CDH26: variants seen among roughly 807,000 people sequenced by gnomAD.
CDH26 encodes cadherin-like protein 26.
A neutral mutation model predicts 90.3 loss-of-function variants in CDH26; 83 were observed. The ratio of observed to expected loss-of-function variants is 0.92; its 90% CI spans 0.77 to 1.10. The LOEUF is 1.10. Among genes scored for constraint, CDH26 ranks in the 50% least tolerant of loss-of-function variants. The pLI is 0.00. For missense variants in CDH26, 1,013 were observed against 1,037.6 expected, an observed-to-expected ratio of 0.98 and a Z score of 0.33; for synonymous variants, 397 against 396.3, an observed-to-expected ratio of 1.00 and a Z score of -0.02.
chr20:60,024,553 C>G (rs1166556233), intron 7 of CDH26, among the ~76,000 whole-genome samples: 1 of 152,210 alleles, frequency 6.6e-6, no homozygotes, highest in Non-Finnish European at 1.5e-5. Flanking sequence ...AATCCTCATT[C>G]ATATCTCAGA....
Position 59,970,197 on chromosome 20 carries a change from T to C in CDH26, c.231+11T>C. The C allele has an allele frequency of 1.2e-6, 2 of 1,612,608 alleles. No homozygotes were observed. Among genetic ancestry groups the C allele is most frequent in the Non-Finnish European group, 1.7e-6 (2 of 1,179,340 alleles). ...AAACTCATTGGTGAGGTAAGGTGCC[T>C]ACTCTTAAGGAATGACCCCATCATG... is the stretch of plus-strand genomic sequence containing the variant. On this transcript the variant is annotated intron_variant, in intron 3 of 17. Transcript: ENST00000348616.
At chr20:60,015,851 C>T (rs2061901044), downstream of CDH26, among the ~76,000 whole-genome samples, 1 of 152,176 alleles carries the variant, frequency 6.6e-6, no homozygotes, top group East Asian at 1.9e-4. Context: ...TAGATACCTA[C>T]TTTCCCCAGC....
chr20:59,992,839 A>T lies in CDH26; in HGVS notation c.1426+319A>T, dbSNP rs1039246372. On this transcript the variant is annotated intron_variant, in intron 10 of 17. Transcript: ENST00000348616. The surrounding 1 kb of genome is among the most constrained non-coding windows in gnomAD (Gnocchi z 5.0). ...TTGTCAAAGCCAATGATGTGTGATA[A>T]ATATTTAGCACAGCTTCCCTGTGCT... 7.2e-5 allele frequency among the ~76,000 whole-genome samples: 11 copies of T among 152,124 alleles called. No homozygotes were observed. The highest frequency in any genetic ancestry group is 2.4e-4 in the African/African-American group (10 of 41,430).
downstream of CDH26, among the ~76,000 whole-genome samples, chr20:60,016,533 A>G (rs558355957): frequency 2.6e-5 from 4 of 152,232 alleles, no homozygotes; most frequent in South Asian, 6.2e-4. Context: ...AGGTTTTTCT[A>G]TATATGAGAT....
intron 9 of CDH26, among the ~76,000 whole-genome samples, chr20:59,990,228 T>C (rs2061512057): frequency 6.6e-6 from 1 of 152,264 alleles, no homozygotes; most frequent in South Asian, 2.1e-4. Flanking sequence ...TATGTGGTAT[T>C]GACACATTTT....
At chr20:59,980,702 C>T (rs2061385337) in intron 4 of CDH26, among the ~76,000 whole-genome samples, 1 of 152,156 alleles carries the variant, frequency 6.6e-6, no homozygotes, top group Non-Finnish European at 1.5e-5. Context: ...TTTGTCTTCT[C>T]ATTCTTACCT....
downstream of CDH26, among the ~76,000 whole-genome samples, chr20:60,017,188 A>G (rs1010873285): frequency 2.4e-4 from 36 of 152,140 alleles, no homozygotes; most frequent in African/African-American, 8.4e-4. Context: ...AAAAGTTGGT[A>G]TTAATACTTC....
In CDH26 at chr20:59,987,472, A is replaced by C; in HGVS notation, c.857A>C (p.Glu286Ala). Reference protein sequence around the residue: ...TQENYKVQIPEGRASQGVLRL... With the variant: ...TQENYKVQIPAGRASQGVLRL... ...TTTCAGTATAAGGTTCAGATTCCTG[A>C]AGGCCGAGCCAGCCAGGGCGTGTTG... The change falls in exon 8 of 18, where the codon GAA becomes GCA. Residue 286 changes from glutamate (E) to alanine (A), a missense_variant. Coordinates refer to ENST00000348616, the MANE Select transcript of CDH26 (RefSeq NM_177980.4). The C allele has an allele frequency of 6.2e-7, 1 of 1,612,332 alleles. No homozygotes were observed. Among genetic ancestry groups the C allele is most frequent in the Non-Finnish European group, 8.5e-7 (1 of 1,179,302 alleles).
chr20:60,001,337 C>T lies in CDH26; in HGVS notation c.2098-6C>T. The T allele has an allele frequency of 6.2e-7, 1 of 1,613,928 alleles. No individual in the cohort carries two copies. Among genetic ancestry groups the T allele is most frequent in the Non-Finnish European group, 8.5e-7 (1 of 1,180,004 alleles). ...TCTTTTGAGTAAATCAGCATTTTCC[C>T]TCTAGGATCTCGAGGAAGTGCCTCC... On this transcript the variant is annotated splice_region_variant and splice_polypyrimidine_tract_variant and intron_variant, in intron 14 of 17. Transcript: ENST00000348616.
chr20:59,988,798 A>G (rs894871802), intron 8 of CDH26, 106 bp from the exon 9 acceptor site: 1 of 1,190,908 alleles, frequency 8.4e-7, no homozygotes. Context: ...TAATAAATGA[A>G]GTGCAAAAGC....
At chr20:60,033,400 T>C (rs1454516354) in intron 8 of CDH26, 1 of 1,249,440 alleles carries the variant, frequency 8.0e-7, no homozygotes, top group South Asian at 1.4e-5. Context: ...CAAATACTTA[T>C]CAAATGCTTA....
intron 5 of CDH26, 96 bp downstream of exon 5, chr20:59,983,166 G>T: frequency 7.0e-7 from 1 of 1,436,860 alleles, no homozygotes. Flanking sequence ...TCATCTTCAG[G>T]GAGAGTTTTT....
chr20:60,021,849 T>TACACACACACACACACACACAC (rs757813328), intron 7 of CDH26, among the ~76,000 whole-genome samples: 2 of 42,614 alleles, frequency 4.7e-5, no homozygotes, highest in Non-Finnish European at 1.1e-4. Flanking sequence ...TCCTTATCTG[T>TACACACACACACACACACACAC]ACACACACAC....
intron 4 of CDH26, 35 bp from the exon 5 acceptor site, chr20:59,982,888 G>A: frequency 6.2e-7 from 1 of 1,607,614 alleles, no homozygotes; most frequent in South Asian, 1.1e-5. Context: ...CGAGTAAATG[G>A]TTCTGCAGGA....
chr20:59,990,422 C>T (rs1181657383), intron 9 of CDH26, among the ~76,000 whole-genome samples: 1 of 152,082 alleles, frequency 6.6e-6, no homozygotes, highest in African/African-American at 2.4e-5. Flanking sequence ...AGCAGTTGGC[C>T]CCAGACCCCA....
In CDH26 at chr20:60,013,580, T is replaced by A. The variant is rs1398809591; in HGVS notation, c.*850T>A. The A allele has an allele frequency of 1.3e-5, 2 of 152,218 alleles. No homozygotes were observed. The highest frequency in any genetic ancestry group is 3.8e-4 in the East Asian group (2 of 5,206). The allele number at this position is 152,218 out of a possible 1,614,324, so 9.4% of individuals were successfully genotyped here. A position where few individuals can be genotyped will look rare whatever the true frequency, so the allele number is the denominator to read the frequency against. On this transcript the variant is annotated 3_prime_UTR_variant, in exon 18 of 18. Transcript: ENST00000348616. ...TCTGAGTAATAGATAAGAGACTGACTAAGCAAAGTTTAAAATGCTATTTGG... is the reference window on the plus strand; with the variant it reads ...TCTGAGTAATAGATAAGAGACTGACAAAGCAAAGTTTAAAATGCTATTTGG...
chr20:60,020,195 A>G (rs1310293823), intron 7 of CDH26, among the ~76,000 whole-genome samples: 2 of 152,190 alleles, frequency 1.3e-5, no homozygotes, highest in African/African-American at 2.4e-5. Context: ...ACCTGGGATC[A>G]TGCCTGCCAG....
chr20:60,028,033 C>T (rs2051187508), intron 7 of CDH26, among the ~76,000 whole-genome samples: 1 of 152,196 alleles, frequency 6.6e-6, no homozygotes, highest in Non-Finnish European at 1.5e-5. Context: ...ACCTACCTTA[C>T]TCATGCTTCT....
At chr20:60,022,601 A>T (rs893462979) in intron 7 of CDH26, among the ~76,000 whole-genome samples, 2 of 152,200 alleles carry the variant, frequency 1.3e-5, no homozygotes, top group African/African-American at 4.8e-5. Flanking sequence ...CCCCTCAAAG[A>T]TGACCTGTGG....
Sources: allele counts gnomAD v4.1 joint callset (sites outside exome capture counted in the v4.1 genomes callset), GRCh38; gene constraint gnomAD v4.1.1; non-coding constraint Gnocchi (gnomAD v3.1); transcripts MANE v1.5; gene names NCBI Gene and HGNC (gene_info 2026-07-23, HGNC 2026-07-21).